Variants in KCNH1 observed in about 807,000 individuals in gnomAD.
KCNH1 encodes voltage-gated delayed rectifier potassium channel KCNH1.
In KCNH1, 27 loss-of-function variants were observed where a neutral mutation model predicts 69.2. That is an observed-to-expected ratio of 0.39 (90% CI 0.29 to 0.54). The LOEUF (loss-of-function observed/expected upper bound fraction) is 0.54, where lower values mean the gene tolerates loss of function less well. Among genes scored for constraint, KCNH1 ranks in the 20% least tolerant of loss-of-function variants. The pLI is 0.68. For missense variants in KCNH1, 798 were observed against 1,261.6 expected (o/e 0.63, Z 5.57); for synonymous variants, 456 against 487.7 (o/e 0.93, Z 0.86).
At chr1:210,795,135 GT>G (rs1684282841) in intron 9 of KCNH1, among the ~76,000 whole-genome samples, 1 of 151,824 alleles carries the variant, frequency 6.6e-6, no homozygotes, top group South Asian at 2.1e-4. Flanking sequence ...TTTTGTTGTT[GT>G]TGTTGTTGTT....
chr1:210,845,835 G>C lies in KCNH1; in HGVS notation c.1463-41669C>G, dbSNP rs1369172525. 1.3e-4 allele frequency among the ~76,000 whole-genome samples: 19 copies of C among 145,748 alleles called. No individual in the cohort carries two copies. The South Asian group carries it at 1.3e-3, about 10-fold the overall frequency. On this transcript the variant is annotated intron_variant, in intron 7 of 10. Coordinates refer to ENST00000271751, the MANE Select transcript of KCNH1 (RefSeq NM_172362.3). ...GATTGTATATCTAGAAAACCCCATC[G>C]TCTCAGCCCAAAATCTCCTCAAGCT...
At chr1:210,735,417 AGTGAGTGTGT>A (rs768064570) in intron 10 of KCNH1, among the ~76,000 whole-genome samples, 22,461 of 115,012 alleles carry the variant, frequency 0.2, 2,101 homozygotes, top group Non-Finnish European at 0.26. Context: ...TGAATGAGTG[AGTGAGTGTGT>A]GTGTGTGTGT....
intron 6 of KCNH1, among the ~76,000 whole-genome samples, chr1:210,980,628 T>C (rs1004838976): frequency 3.9e-5 from 6 of 152,206 alleles, no homozygotes; most frequent in African/African-American, 1.4e-4. Context: ...TCATTTGCAC[T>C]GCATTATATG....
chr1:210,887,682 AT>A (rs2102517281), intron 7 of KCNH1, among the ~76,000 whole-genome samples: 2 of 151,130 alleles, frequency 1.3e-5, no homozygotes, highest in South Asian at 4.3e-4. Flanking sequence ...TAGGCTCAAA[AT>A]AAAGGGATGG....
chr1:210,877,095 G>A (rs1488441293), intron 7 of KCNH1, among the ~76,000 whole-genome samples: 1 of 144,792 alleles, frequency 6.9e-6, no homozygotes, highest in Non-Finnish European at 1.5e-5. Flanking sequence ...TCACCACAAA[G>A]CCTGAATCTC....
intron 5 of KCNH1, among the ~76,000 whole-genome samples, chr1:211,036,473 C>A (rs1436019867): frequency 6.6e-6 from 1 of 152,086 alleles, no homozygotes; most frequent in Admixed American, 6.5e-5. Flanking sequence ...TCACCATGAG[C>A]CTGTGATCTC....
chr1:210,822,531 T>C (rs1357354795), intron 7 of KCNH1, among the ~76,000 whole-genome samples: 1 of 152,142 alleles, frequency 6.6e-6, no homozygotes, highest in Non-Finnish European at 1.5e-5. Context: ...AGTAATGAAA[T>C]CACTTAGAAG....
chr1:211,048,611 G>A (rs997758383), intron 5 of KCNH1, among the ~76,000 whole-genome samples: 3 of 152,226 alleles, frequency 2.0e-5, no homozygotes, highest in Admixed American at 1.3e-4. Context: ...ACCAAACATC[G>A]TATGTTCTCA....
chr1:210,999,081 C>G (rs1417458032), intron 6 of KCNH1, among the ~76,000 whole-genome samples: 1 of 152,094 alleles, frequency 6.6e-6, no homozygotes, highest in Non-Finnish European at 1.5e-5. Context: ...AAAATTGACA[C>G]CCTGACATCA....
chr1:210,682,442 G>A lies in KCNH1; in HGVS notation c.*839C>T, dbSNP rs887489395. 3.9e-5 allele frequency: 6 copies of A among 152,402 alleles called. No individual in the cohort carries two copies. The highest frequency in any genetic ancestry group is 9.6e-5 in the African/African-American group (4 of 41,464). The allele number at this position is 152,402 out of a possible 1,614,324, so 9.4% of individuals were successfully genotyped here. The stretch of plus-strand genomic sequence containing the variant: ...ATGGGGACACTTGGGAAGAGGCCAA[G>A]AAGGAACAGAAGCAAGGGAGCCTGT... On this transcript the variant is annotated 3_prime_UTR_variant, in exon 11 of 11. Coordinates refer to ENST00000271751, the MANE Select transcript of KCNH1 (RefSeq NM_172362.3).
At chr1:211,104,956 A>G (rs973259462) in intron 2 of KCNH1, among the ~76,000 whole-genome samples, 1 of 152,248 alleles carries the variant, frequency 6.6e-6, no homozygotes, top group African/African-American at 2.4e-5. Context: ...TTAGCTTGAT[A>G]CCAGAACAGC....
intron 7 of KCNH1, among the ~76,000 whole-genome samples, chr1:210,910,566 C>G (rs188556878): frequency 1.4e-4 from 22 of 152,312 alleles, no homozygotes; most frequent in Non-Finnish European, 2.5e-4. Flanking sequence ...CTGTCAGTGA[C>G]TAGGGTGGCA....
At position 210,861,898 on chromosome 1, in the gene KCNH1, A is replaced by C. The variant is rs372120248; in HGVS notation, c.1463-57732T>G. The C allele has an allele frequency of 1.2e-5, 9 of 768,648 alleles. 1 individual carries two copies. The highest frequency in any genetic ancestry group is 8.5e-5 in the African/African-American group (5 of 58,768). 47.6% of individuals were successfully genotyped at this position (768,648 alleles called of 1,614,324 possible). On this transcript the variant is annotated intron_variant, in intron 7 of 10. Coordinates refer to ENST00000271751, the MANE Select transcript of KCNH1 (RefSeq NM_172362.3). ...CTGAAGATAAAAGCCAGTTTTGTCCACAATGGCAGTCCAGCAGCTTGGATA... is the reference window on the plus strand; with the variant it reads ...CTGAAGATAAAAGCCAGTTTTGTCCCCAATGGCAGTCCAGCAGCTTGGATA...
At chr1:211,085,343 A>G (rs1248156248) in intron 4 of KCNH1, among the ~76,000 whole-genome samples, 1 of 152,192 alleles carries the variant, frequency 6.6e-6, no homozygotes, top group Non-Finnish European at 1.5e-5. Context: ...GTAAAAACCT[A>G]GAAGGTAAGT....
chr1:210,845,759 T>A (rs578094007), intron 7 of KCNH1, among the ~76,000 whole-genome samples: 3 of 152,018 alleles, frequency 2.0e-5, no homozygotes, highest in African/African-American at 7.2e-5. Flanking sequence ...AAATAAAGGG[T>A]ATTCAATTAG....
At chr1:211,114,466 G>T (rs1002526654) in intron 1 of KCNH1, among the ~76,000 whole-genome samples, 3 of 152,208 alleles carry the variant, frequency 2.0e-5, no homozygotes, top group Admixed American at 6.5e-5. Flanking sequence ...AAAGAAATAA[G>T]CCTATGTATG....
chr1:210,795,537 A>G (rs757416533), intron 9 of KCNH1, among the ~76,000 whole-genome samples: 1 of 152,158 alleles, frequency 6.6e-6, no homozygotes, highest in Non-Finnish European at 1.5e-5. Context: ...ACCTAAGCCA[A>G]ATGTAATCAA....
intron 10 of KCNH1, among the ~76,000 whole-genome samples, chr1:210,697,758 G>A (rs946043331): frequency 6.6e-6 from 1 of 152,232 alleles, no homozygotes; most frequent in African/African-American, 2.4e-5. Context: ...CCTATGTGGA[G>A]CATGGCCATG....
chr1:210,900,229 C>T (rs538380269), intron 7 of KCNH1, among the ~76,000 whole-genome samples: 3 of 152,336 alleles, frequency 2.0e-5, no homozygotes, highest in African/African-American at 7.2e-5. Flanking sequence ...AGTAGTCTTG[C>T]TCAGAGCCAT....
Sources: gnomAD v4.1 joint callset for allele counts (sites outside exome capture counted in the v4.1 genomes callset) on GRCh38, gnomAD v4.1.1 for gene constraint, MANE v1.5 for transcripts, NCBI Gene and HGNC (gene_info 2026-07-23, HGNC 2026-07-21) for gene names.